ARID4B: variants seen among roughly 807,000 people sequenced by gnomAD.
ARID4B encodes the protein AT-rich interaction domain 4B.
ARID4B carries 26 observed loss-of-function variants against 147.5 expected under a neutral mutation model. The observed-to-expected ratio is 0.18, with a 90% CI of 0.13 to 0.24. ARID4B has a LOEUF of 0.24. Ranked by LOEUF, ARID4B falls within the 10% of genes least tolerant of loss-of-function variation. The pLI, the probability that ARID4B is intolerant of heterozygous loss-of-function variation, is 1.00. For missense variants in ARID4B, 1,179 were observed against 1,511.5 expected, an observed-to-expected ratio of 0.78 and a Z score of 3.65; for synonymous variants, 512 against 507.9, an observed-to-expected ratio of 1.01 and a Z score of -0.11.
intron 16 of ARID4B, among the ~76,000 whole-genome samples, chr1:235,219,183 T>A (rs1330127645): frequency 2.0e-5 from 3 of 152,132 alleles, no homozygotes; most frequent in African/African-American, 4.8e-5. Flanking sequence ...GATTTTTTTT[T>A]TAATTCATTG....
intron 4 of ARID4B, among the ~76,000 whole-genome samples, chr1:235,256,101 G>A (rs1429930086): frequency 6.7e-6 from 1 of 150,340 alleles, no homozygotes; most frequent in African/African-American, 2.5e-5. Flanking sequence ...TTGAGCCTGG[G>A]AGGTGGAGGT....
intron 5 of ARID4B, among the ~76,000 whole-genome samples, chr1:235,254,093 C>A (rs957440567): frequency 3.3e-5 from 5 of 152,132 alleles, no homozygotes; most frequent in African/African-American, 1.2e-4. Context: ...ACTATTACAA[C>A]CAATCACCAT....
intron 22 of ARID4B, among the ~76,000 whole-genome samples, chr1:235,173,794 A>ATG (rs1558165931): frequency 1.1e-4 from 9 of 78,458 alleles, no homozygotes; most frequent in African/African-American, 4.0e-4. Context: ...ATATATATAT[A>ATG]TATATATATA....
In ARID4B at chr1:235,277,619, TGTG is replaced by T. The variant is rs745831397; in HGVS notation, c.7-16870_7-16868del. On this transcript the variant is annotated intron_variant, in intron 2 of 23. Transcript: ENST00000264183. ...TTGTGTGTGTGTGTGTGTGTGTGTG[TGTG>T]TGTGTGTGTGTGTGTGTGTTTCATT... 2.5e-3 allele frequency among the ~76,000 whole-genome samples: 343 copies of T among 139,094 alleles called. 3 individuals are homozygous for T. In the Middle Eastern group the frequency reaches 0.025, roughly 10 times the overall value. 91.3% of individuals were successfully genotyped at this position (139,094 alleles called of 152,430 possible).
At chr1:235,223,982 A>G (rs1485104389) in intron 12 of ARID4B, among the ~76,000 whole-genome samples, 1 of 152,190 alleles carries the variant, frequency 6.6e-6, no homozygotes, top group East Asian at 1.9e-4. Flanking sequence ...GACATTTTAT[A>G]TTGAAAAAGA....
At chr1:235,175,527 A>G (rs1427299067) in intron 21 of ARID4B, 128 bp from the exon 22 acceptor site, 1 of 710,222 alleles carries the variant, frequency 1.4e-6, no homozygotes, top group Admixed American at 2.9e-5. Flanking sequence ...AGAAACCTGG[A>G]AAATCATATA....
chr1:235,249,659 T>A (rs1233289459), intron 6 of ARID4B, among the ~76,000 whole-genome samples: 1 of 151,576 alleles, frequency 6.6e-6, no homozygotes. Context: ...TAGCTGGGCG[T>A]GGCCGGGCAC....
intron 2 of ARID4B, among the ~76,000 whole-genome samples, chr1:235,314,088 C>CA (rs923767029): frequency 7.2e-5 from 11 of 152,148 alleles, no homozygotes; most frequent in Non-Finnish European, 1.6e-4. Flanking sequence ...CAAACAACCC[C>CA]ATGAGGCAAT....
chr1:235,200,451 A>T lies in ARID4B; in HGVS notation c.1842-4336T>A, dbSNP rs1393320907. On this transcript the variant is annotated intron_variant, in intron 17 of 23. Coordinates refer to ENST00000264183, the MANE Select transcript of ARID4B (RefSeq NM_016374.6). The stretch of plus-strand genomic sequence containing the variant: ...ACCCTAGCCTGGGTGACAGAGCAAG[A>T]CTCATCTCAAAAAAATAAAATTCAT... Among the ~76,000 whole-genome samples the T allele has an allele frequency of 3.3e-5, 5 of 152,130 alleles. No individual in the cohort carries two copies. The East Asian group carries it at 7.7e-4, about 24-fold the overall frequency.
At chr1:235,194,586 C>T (rs1056920037) in intron 18 of ARID4B, among the ~76,000 whole-genome samples, 22 of 151,998 alleles carry the variant, frequency 1.4e-4, no homozygotes, top group Non-Finnish European at 2.6e-4. Flanking sequence ...TTTGGGAGGC[C>T]GCGGCAGGTG....
At chr1:235,193,931 A>T (rs1558187607) in intron 19 of ARID4B, 82 bp downstream of exon 19, 4 of 1,021,936 alleles carry the variant, frequency 3.9e-6, no homozygotes, top group Non-Finnish European at 5.7e-6. Flanking sequence ...AGTAGTTGGT[A>T]ATGTCACTGA....
intron 2 of ARID4B, among the ~76,000 whole-genome samples, chr1:235,300,668 T>C (rs1673055886): frequency 6.6e-6 from 1 of 152,078 alleles, no homozygotes; most frequent in Non-Finnish European, 1.5e-5. Flanking sequence ...TATTCTACAT[T>C]AAAGATGCCT....
chr1:235,240,024 C>G (rs888220289), intron 8 of ARID4B, among the ~76,000 whole-genome samples: 9 of 152,130 alleles, frequency 5.9e-5, no homozygotes, highest in African/African-American at 1.7e-4. Flanking sequence ...TCTAGACCTA[C>G]ATGGACTTAG....
At chr1:235,173,100 C>G (rs1408396141) in intron 22 of ARID4B, among the ~76,000 whole-genome samples, 1 of 152,126 alleles carries the variant, frequency 6.6e-6, no homozygotes, top group African/African-American at 2.4e-5. Flanking sequence ...AATCCTAGCA[C>G]TTTGGGAGGC....
chr1:235,267,720 A>C (rs1026693515), intron 2 of ARID4B, among the ~76,000 whole-genome samples: 1 of 151,708 alleles, frequency 6.6e-6, no homozygotes, highest in African/African-American at 2.4e-5. Context: ...TAGGCTAACA[A>C]GGTGAAACCC....
intron 2 of ARID4B, among the ~76,000 whole-genome samples, chr1:235,268,837 T>C (rs1670783141): frequency 6.6e-6 from 1 of 152,148 alleles, no homozygotes; most frequent in Non-Finnish European, 1.5e-5. Flanking sequence ...AAATGGTTGA[T>C]TTCAAGGTTG....
At chr1:235,230,874 G>A (rs1668174899) in intron 10 of ARID4B, among the ~76,000 whole-genome samples, 1 of 150,136 alleles carries the variant, frequency 6.7e-6, no homozygotes, top group African/African-American at 2.5e-5. Context: ...AGTGAGCCGA[G>A]ATTGCGCCAC....
intron 7 of ARID4B, among the ~76,000 whole-genome samples, chr1:235,244,966 C>T (rs1034516304): frequency 1.3e-5 from 2 of 152,152 alleles, no homozygotes; most frequent in South Asian, 4.1e-4. Flanking sequence ...AGGCTTAAAA[C>T]GCCAAGCAAG....
chr1:235,319,327 G>A (rs56151141), intron 2 of ARID4B, among the ~76,000 whole-genome samples: 6,042 of 152,112 alleles, frequency 0.04, 446 homozygotes, highest in African/African-American at 0.14. Context: ...GACCAGCCTG[G>A]GCAACACAGT....
Sources: gnomAD v4.1 joint callset for allele counts (sites outside exome capture counted in the v4.1 genomes callset) on GRCh38, gnomAD v4.1.1 for gene constraint, MANE v1.5 for transcripts, NCBI Gene and HGNC (gene_info 2026-07-23, HGNC 2026-07-21) for gene names.